The following LITAF variants were observed in gnomAD, a reference collection of about 807,000 sequenced individuals.
LITAF encodes lipopolysaccharide-induced tumor necrosis factor-alpha factor.
In LITAF, 9 loss-of-function variants were observed where a neutral mutation model predicts 14.5. The observed-to-expected ratio is 0.62, with a 90% CI of 0.37 to 1.08. The LOEUF (loss-of-function observed/expected upper bound fraction) is 1.08. Among genes scored for constraint, LITAF ranks in the 50% least tolerant of loss-of-function variants. The pLI, the probability that LITAF is intolerant of heterozygous loss-of-function variation, is 0.01. For synonymous variants in LITAF, 98 were observed against 88.2 expected (o/e 1.11, Z -0.62); for missense variants, 206 against 213.4 (o/e 0.97, Z 0.22).
chr16:11,616,770 G>C (rs1358871929), intron 3 of LITAF, among the ~76,000 whole-genome samples: 1 of 151,904 alleles, frequency 6.6e-6, no homozygotes, highest in Non-Finnish European at 1.5e-5. Flanking sequence ...AAATTTACCG[G>C]GCATAGTGGT....
chr16:11,628,299 G>A (rs1453624373), intron 3 of LITAF, among the ~76,000 whole-genome samples: 1 of 152,060 alleles, frequency 6.6e-6, no homozygotes, highest in African/African-American at 2.4e-5. Flanking sequence ...TTCCATGTTT[G>A]CGTGTCTCCT....
At chr16:11,595,593 G>A (rs930095168) in intron 1 of LITAF, among the ~76,000 whole-genome samples, 2 of 152,180 alleles carry the variant, frequency 1.3e-5, no homozygotes, top group Non-Finnish European at 2.9e-5. Context: ...GCCGGGCATG[G>A]TCGGGGACTC....
intron 3 of LITAF, among the ~76,000 whole-genome samples, chr16:11,612,619 G>T (rs369273089): frequency 1.3e-5 from 2 of 152,144 alleles, no homozygotes; most frequent in Non-Finnish European, 2.9e-5. Flanking sequence ...AGTTAACAAG[G>T]CCCAGGCAGG....
At chr16:11,552,666 G>GA (rs2064198802) in intron 3 of LITAF, among the ~76,000 whole-genome samples, 1 of 152,176 alleles carries the variant, frequency 6.6e-6, no homozygotes, top group East Asian at 1.9e-4. Context: ...AATTTCTGGG[G>GA]ACGGATACGC....
chr16:11,589,484 G>A (rs1260984663), upstream of LITAF, among the ~76,000 whole-genome samples: 2 of 152,180 alleles, frequency 1.3e-5, no homozygotes, highest in African/African-American at 4.8e-5. Flanking sequence ...AAAGGATAAA[G>A]TGAAGCTATC....
At chr16:11,578,561 G>A (rs902450992) in intron 1 of LITAF, among the ~76,000 whole-genome samples, 4 of 152,114 alleles carry the variant, frequency 2.6e-5, no homozygotes, top group Non-Finnish European at 5.9e-5. Flanking sequence ...AACTACAAGC[G>A]AGAAAATCTG....
intron 1 of LITAF, among the ~76,000 whole-genome samples, chr16:11,559,612 T>C (rs886069564): frequency 1.3e-5 from 2 of 152,066 alleles, no homozygotes; most frequent in Admixed American, 6.6e-5. Flanking sequence ...TAATTTCTTA[T>C]ATTGATATAT....
At chr16:11,591,623 CA>C (rs1461245954), upstream of LITAF, among the ~76,000 whole-genome samples, 1 of 152,032 alleles carries the variant, frequency 6.6e-6, no homozygotes, top group East Asian at 1.9e-4. Context: ...CAATGAATGC[CA>C]AGACCATTCA....
In LITAF at chr16:11,634,895, G is replaced by A. The variant is rs367953545; in HGVS notation, c.-21+930C>T. 7.4e-4 allele frequency among the ~76,000 whole-genome samples: 113 copies of A among 152,056 alleles called. No individual in the cohort carries two copies. The highest frequency in any genetic ancestry group is 2.6e-3 in the African/African-American group (109 of 41,404). ...CTAAAAATGCAAAAACTAGCTGGGC[G>A]TGTTGGTGGGCACCTATAATCCCAG... On this transcript the variant is annotated intron_variant, in intron 2 of 3. Transcript: ENST00000574848. This position sits in a 1 kb window ranked among gnomAD's most constrained non-coding sequence, Gnocchi z 4.1.
chr16:11,617,658 C>A (rs1489139185), intron 3 of LITAF, among the ~76,000 whole-genome samples: 1 of 151,828 alleles, frequency 6.6e-6, no homozygotes, highest in Non-Finnish European at 1.5e-5. Flanking sequence ...AACTCCTGAC[C>A]TTGTCATCCG....
intron 1 of LITAF, among the ~76,000 whole-genome samples, chr16:11,563,212 G>A (rs1320014220): frequency 6.6e-6 from 1 of 151,984 alleles, no homozygotes; most frequent in Non-Finnish European, 1.5e-5. Context: ...GCAGTGGCGT[G>A]ATCTTGGCTC....
chr16:11,563,260 T>G (rs9796962), intron 1 of LITAF, among the ~76,000 whole-genome samples: 76,996 of 151,878 alleles, frequency 0.51, 20,638 homozygotes, highest in Middle Eastern at 0.7. Context: ...GCAATTCTCG[T>G]GCCTCAGCCT....
In LITAF at chr16:11,586,622, C is replaced by A. The variant is rs2141842864; in HGVS notation, c.-6+264G>T. 6.6e-6 allele frequency among the ~76,000 whole-genome samples: 1 copy of A among 151,936 alleles called. No individual in the cohort carries two copies. Among genetic ancestry groups the A allele is most frequent in the African/African-American group, 2.4e-5 (1 of 41,520 alleles). On this transcript the variant is annotated intron_variant, in intron 1 of 3. Coordinates refer to ENST00000622633, the MANE Select transcript of LITAF (RefSeq NM_001136472.2). The surrounding 1 kb of genome is among the most constrained non-coding windows in gnomAD (Gnocchi z 6.5). Reference sequence around the variant, plus strand: ...GGGGGCCGGACGACCCCGCCACGCGCGATCGGGCCACTCTGGGACGCAGGA... The same window carrying A: ...GGGGGCCGGACGACCCCGCCACGCGAGATCGGGCCACTCTGGGACGCAGGA...
At chr16:11,629,794 T>C (rs1179755819) in intron 3 of LITAF, among the ~76,000 whole-genome samples, 1 of 152,140 alleles carries the variant, frequency 6.6e-6, no homozygotes, top group Non-Finnish European at 1.5e-5. Flanking sequence ...GTCTCCAGCG[T>C]GGAGCTCCAG....
intron 3 of LITAF, among the ~76,000 whole-genome samples, chr16:11,616,232 G>C (rs2065019051): frequency 6.6e-6 from 1 of 152,106 alleles, no homozygotes; most frequent in South Asian, 2.1e-4. Flanking sequence ...CCAATGTTTT[G>C]GGAGGCTGAA....
intron 1 of LITAF, among the ~76,000 whole-genome samples, chr16:11,595,293 C>T (rs1241292883): frequency 6.6e-6 from 1 of 152,242 alleles, no homozygotes; most frequent in Non-Finnish European, 1.5e-5. Context: ...GGTTACACCC[C>T]CAACCCCAAT....
intron 3 of LITAF, among the ~76,000 whole-genome samples, chr16:11,628,377 C>T (rs956584512): frequency 1.3e-5 from 2 of 151,842 alleles, no homozygotes; most frequent in East Asian, 1.9e-4. Context: ...CTTTGCAGAA[C>T]GCCCAACCCA....
chr16:11,555,116 T>C (rs1331464544), intron 2 of LITAF, among the ~76,000 whole-genome samples: 1 of 152,052 alleles, frequency 6.6e-6, no homozygotes, highest in Non-Finnish European at 1.5e-5. Flanking sequence ...CACTGCAGCC[T>C]CAACCTCCTG....
intron 3 of LITAF, among the ~76,000 whole-genome samples, chr16:11,622,192 C>G (rs934722620): frequency 1.3e-5 from 2 of 152,188 alleles, no homozygotes; most frequent in Non-Finnish European, 2.9e-5. Flanking sequence ...CCACCATAAG[C>G]CAGGCGGCAT....
Sources: gnomAD v4.1 joint callset for allele counts (sites outside exome capture counted in the v4.1 genomes callset) on GRCh38, gnomAD v4.1.1 for gene constraint, Gnocchi (gnomAD v3.1) non-coding constraint, MANE v1.5 for transcripts, NCBI Gene and HGNC (gene_info 2026-07-23, HGNC 2026-07-21) for gene names.